The following CHCHD3 variants were observed in gnomAD, a reference collection of about 807,000 sequenced individuals.
CHCHD3 encodes MICOS complex subunit MIC19.
In CHCHD3, 20 loss-of-function variants were observed where a neutral mutation model predicts 38.2. The ratio of observed to expected loss-of-function variants is 0.52; its 90% CI spans 0.37 to 0.76. CHCHD3 has a LOEUF of 0.76. Among genes scored for constraint, CHCHD3 ranks in the 30% least tolerant of loss-of-function variants. The pLI, the probability that CHCHD3 is intolerant of heterozygous loss-of-function variation, is 0.00. For missense variants in CHCHD3, 245 were observed against 279.2 expected (o/e 0.88, Z 0.87); for synonymous variants, 82 against 100.0 (o/e 0.82, Z 1.07).
At chr7:132,803,341 C>T (rs1482899298) in intron 6 of CHCHD3, among the ~76,000 whole-genome samples, 2 of 151,158 alleles carry the variant, frequency 1.3e-5, no homozygotes, top group Non-Finnish European at 1.5e-5. Context: ...GTTTCAGGGT[C>T]AAGAAAAGCA....
At chr7:133,030,360 G>C (rs1242842130) in intron 2 of CHCHD3, among the ~76,000 whole-genome samples, 1 of 152,132 alleles carries the variant, frequency 6.6e-6, no homozygotes, top group Non-Finnish European at 1.5e-5. Context: ...ACTCTTTTCA[G>C]CTCCCAGGAT....
chr7:133,009,430 G>A (rs1164902021), intron 3 of CHCHD3, among the ~76,000 whole-genome samples: 1 of 148,592 alleles, frequency 6.7e-6, no homozygotes, highest in Non-Finnish European at 1.5e-5. Context: ...ATCCCAGGAA[G>A]CTCTGGGCTT....
chr7:132,813,580 G>A (rs1486281145), intron 6 of CHCHD3: 1 of 152,172 alleles, frequency 6.6e-6, no homozygotes, highest in African/African-American at 2.4e-5. Context: ...AATGGTAGCT[G>A]TTGTTATTAT....
intron 4 of CHCHD3, among the ~76,000 whole-genome samples, chr7:132,932,104 C>G (rs985056647): frequency 3.3e-5 from 5 of 152,092 alleles, no homozygotes; most frequent in African/African-American, 1.2e-4. Context: ...TTTTAAGTTT[C>G]AAAAGCAATA....
intron 4 of CHCHD3, among the ~76,000 whole-genome samples, chr7:132,889,113 T>A (rs1809298208): frequency 6.6e-6 from 1 of 152,086 alleles, no homozygotes; most frequent in Admixed American, 6.5e-5. Context: ...ACTGAGGGCA[T>A]CTAAAAGAGT....
At chr7:132,853,763 C>T (rs373495026) in intron 5 of CHCHD3, among the ~76,000 whole-genome samples, 136 of 152,210 alleles carry the variant, frequency 8.9e-4, no homozygotes, top group South Asian at 5.2e-3. Flanking sequence ...CATTGTAAAT[C>T]TACTTTTATC....
chr7:133,018,461 C>T (rs899340047), intron 3 of CHCHD3, among the ~76,000 whole-genome samples: 1 of 152,204 alleles, frequency 6.6e-6, no homozygotes, highest in African/African-American at 2.4e-5. Flanking sequence ...CATTTCAAAA[C>T]TATGCCTTTA....
At chr7:132,966,378 A>G (rs541998212) in intron 4 of CHCHD3, among the ~76,000 whole-genome samples, 14 of 152,330 alleles carry the variant, frequency 9.2e-5, no homozygotes, top group African/African-American at 3.4e-4. Flanking sequence ...TCGCCAAATC[A>G]GGACACAGGT....
At chr7:133,010,471 C>A (rs1812835536) in intron 3 of CHCHD3, among the ~76,000 whole-genome samples, 1 of 152,136 alleles carries the variant, frequency 6.6e-6, no homozygotes, top group African/African-American at 2.4e-5. Flanking sequence ...TGGACAAATT[C>A]TATCCCATTT....
chr7:133,061,035 T>C (rs767347969), intron 2 of CHCHD3, among the ~76,000 whole-genome samples: 49 of 152,132 alleles, frequency 3.2e-4, no homozygotes, highest in Non-Finnish European at 6.3e-4. Flanking sequence ...AAAAGCAGTA[T>C]TTGGGCTCAA....
rs115480391 is a variant in CHCHD3 at position 132,956,924 on chromosome 7, C to T, written c.369+18245G>A. On this transcript the variant is annotated intron_variant, in intron 4 of 7. Transcript: ENST00000262570. The stretch of plus-strand genomic sequence containing the variant: ...AGAATACAAAAACAAATATACATCT[C>T]CATGCCTCTTCTGAAGAGCGATCTA... 7.2e-3 allele frequency among the ~76,000 whole-genome samples: 1,095 copies of T among 152,300 alleles called. 13 individuals carry two copies. Among genetic ancestry groups the T allele is most frequent in the African/African-American group, 0.026 (1,075 of 41,552 alleles).
At chr7:132,856,708 A>T (rs1808349581) in intron 5 of CHCHD3, among the ~76,000 whole-genome samples, 2 of 152,198 alleles carry the variant, frequency 1.3e-5, no homozygotes, top group South Asian at 4.1e-4. Context: ...CTCCAACTAG[A>T]GGCCAAGTTA....
At chr7:132,787,187 G>A (rs1390946582) in intron 7 of CHCHD3, among the ~76,000 whole-genome samples, 1 of 152,204 alleles carries the variant, frequency 6.6e-6, no homozygotes, top group Non-Finnish European at 1.5e-5. Context: ...CCAAGAGAAA[G>A]GGTGGAAAGA....
intron 4 of CHCHD3, among the ~76,000 whole-genome samples, chr7:132,937,248 A>C (rs1048154395): frequency 6.6e-6 from 1 of 152,232 alleles, no homozygotes; most frequent in Admixed American, 6.5e-5. Flanking sequence ...AAAGTAGTGA[A>C]TGAGAACTGG....
chr7:132,867,540 A>T (rs1808663631), intron 5 of CHCHD3, among the ~76,000 whole-genome samples: 1 of 152,208 alleles, frequency 6.6e-6, no homozygotes, highest in African/African-American at 2.4e-5. Flanking sequence ...TTTTTATTTC[A>T]GTTGCTGATT....
chr7:132,882,750 A>T (rs1253567139), intron 5 of CHCHD3, among the ~76,000 whole-genome samples: 1 of 152,174 alleles, frequency 6.6e-6, no homozygotes, highest in Non-Finnish European at 1.5e-5. Context: ...GGTACCTAAC[A>T]TAGTAAAACC....
intron 4 of CHCHD3, among the ~76,000 whole-genome samples, chr7:132,901,784 C>A (rs925063090): frequency 6.6e-6 from 1 of 152,140 alleles, no homozygotes; most frequent in Admixed American, 6.5e-5. Flanking sequence ...ACTCTGATGA[C>A]AGTTTCTTTT....
rs779519924 is a variant in CHCHD3, at chr7:132,975,172, G to A, written c.366C>T (p.His122=). 5.0e-6 allele frequency: 8 copies of A among 1,610,614 alleles called. No individual in the cohort carries two copies. The highest frequency in any genetic ancestry group is 6.8e-6 in the Non-Finnish European group (8 of 1,178,810). ...CTCCTACATTTTTAATACTCACCAG[G>A]TGCTTTGCCTTAGCGCGTTCCTCCT... ...CSEEERAKAK[H]LARQLEEKDR... Residue 122 remains histidine (H), a synonymous_variant, in exon 4 of 8, where the codon CAC becomes CAT. Transcript: ENST00000262570.
At chr7:132,817,093 G>A (rs1353573412) in intron 6 of CHCHD3, among the ~76,000 whole-genome samples, 1 of 152,146 alleles carries the variant, frequency 6.6e-6, no homozygotes, top group Non-Finnish European at 1.5e-5. Flanking sequence ...CTCTGTACAC[G>A]TGCTGGTCTG....
Sources: gnomAD v4.1 joint callset for allele counts (sites outside exome capture counted in the v4.1 genomes callset) on GRCh38, gnomAD v4.1.1 for gene constraint, MANE v1.5 for transcripts, NCBI Gene and HGNC (gene_info 2026-07-23, HGNC 2026-07-21) for gene names.